AZIN2: variants seen among roughly 807,000 people sequenced by gnomAD.
AZIN2 encodes the protein ODC antizyme inhibitor-2.
AZIN2 carries 28 observed loss-of-function variants against 47.8 expected under a neutral mutation model. The ratio of observed to expected loss-of-function variants is 0.59; its 90% CI spans 0.43 to 0.80. AZIN2 has a LOEUF of 0.80. Ranked by LOEUF, AZIN2 falls within the 30% of genes least tolerant of loss-of-function variation. The pLI, the probability that AZIN2 is intolerant of heterozygous loss-of-function variation, is 0.00. For missense variants in AZIN2, 535 were observed against 582.5 expected (o/e 0.92, Z 0.84); for synonymous variants, 221 against 239.4 (o/e 0.92, Z 0.71).
chr1:33,138,650 A>G, the AZIN2 span, among the ~76,000 whole-genome samples: 1 of 151,616 alleles, frequency 6.6e-6, no homozygotes, highest in African/African-American at 2.4e-5. Context: ...AAAAAAGAAA[A>G]GGAAAGAAAG....
Position 33,082,303 on chromosome 1 carries a change from T to C in AZIN2, c.54T>C (p.Ser18=). The part of the protein sequence containing the change: ...SDFVMVEEGF[S]TRDLLKELTL... Reference sequence around the variant, plus strand: ...TTGTGATGGTGGAGGAGGGCTTCAGTACCCGAGACCTGCTGAAGGAACTCA... The same window carrying C: ...TTGTGATGGTGGAGGAGGGCTTCAGCACCCGAGACCTGCTGAAGGAACTCA... Residue 18 remains serine, a synonymous_variant, in exon 4 of 12, where the codon AGT becomes AGC. Transcript: ENST00000294517. The C allele has an allele frequency of 6.2e-7, 1 of 1,614,080 alleles. No individual in the cohort carries two copies. The highest frequency in any genetic ancestry group is 1.1e-5 in the South Asian group (1 of 91,078).
chr1:33,114,934 C>T (rs913325428), intron 10 of AZIN2, among the ~76,000 whole-genome samples: 1 of 152,206 alleles, frequency 6.6e-6, no homozygotes, highest in African/African-American at 2.4e-5. Context: ...TGAGCCACCG[C>T]GCCCAGCCTA....
the AZIN2 span, chr1:33,158,266 C>G: frequency 6.2e-7 from 1 of 1,613,860 alleles, no homozygotes; most frequent in Non-Finnish European, 8.5e-7. Flanking sequence ...GGTGGATGTC[C>G]TGGAACAGGG....
At position 33,122,934 on chromosome 1, in the gene AZIN2, G is replaced by A. The variant is rs899449720; in HGVS notation, c.*2752G>A. Reference sequence around the variant, plus strand: ...ATCCTCCACTCAGCAGCCAGATGCCGTACCTCCTGGGATTCCGTTTCACCA... The same window carrying A: ...ATCCTCCACTCAGCAGCCAGATGCCATACCTCCTGGGATTCCGTTTCACCA... On this transcript the variant is annotated 3_prime_UTR_variant, in exon 12 of 12. Transcript: ENST00000294517. Among the ~76,000 whole-genome samples the A allele has an allele frequency of 2.6e-5, 4 of 152,114 alleles. No homozygotes were observed. The highest frequency in any genetic ancestry group is 1.9e-4 in the East Asian group (1 of 5,178).
the AZIN2 span, among the ~76,000 whole-genome samples, chr1:33,141,546 C>T: frequency 6.6e-6 from 1 of 152,218 alleles, no homozygotes; most frequent in Non-Finnish European, 1.5e-5. Context: ...TCACCAGGAC[C>T]TGAAGCTTTG....
rs1310548936 is a variant in AZIN2, at chr1:33,083,974, C to T, written c.126C>T (p.Phe42=). ...QATTDEVAAF[F]VADLGAIVRK... is the part of the protein sequence containing the mutation. ...TTCAGGACGAGGTAGCTGCCTTCTT[C>T]GTGGCTGACCTGGGTGCCATAGTGA... The change falls in exon 5 of 12, where the codon TTC becomes TTT. Residue 42 remains phenylalanine, a synonymous_variant. Coordinates refer to ENST00000294517, the MANE Select transcript of AZIN2 (RefSeq NM_052998.4). The T allele has an allele frequency of 9.3e-6, 15 of 1,614,064 alleles. No homozygotes were observed. In the African/African-American group the frequency reaches 1.1e-4, roughly 11 times the overall value.
At chr1:33,159,470 G>C in the AZIN2 span, among the ~76,000 whole-genome samples, 1 of 152,142 alleles carries the variant, frequency 6.6e-6, no homozygotes, top group Non-Finnish European at 1.5e-5. This position sits in a 1 kb window ranked among gnomAD's most constrained non-coding sequence, Gnocchi z 4.2. Context: ...TTCAAACTGT[G>C]TTCCTCACCA....
rs755483001 is a variant in AZIN2, at chr1:33,120,019, T to C, written c.1245-25T>C. The C allele has an allele frequency of 3.1e-6, 5 of 1,613,068 alleles. No homozygotes were observed. The East Asian group carries it at 1.1e-4, about 36-fold the overall frequency. Reference sequence around the variant, plus strand: ...CCCTGCCAGTCCCATGCTGGCTACTTGCAGCACCCCTCTCTCACCCCTAGG... The same window carrying C: ...CCCTGCCAGTCCCATGCTGGCTACTCGCAGCACCCCTCTCTCACCCCTAGG... On this transcript the variant is annotated intron_variant, in intron 11 of 11. Coordinates refer to ENST00000294517, the MANE Select transcript of AZIN2 (RefSeq NM_052998.4).
At chr1:33,091,262 T>C (rs1286581301) in intron 5 of AZIN2, among the ~76,000 whole-genome samples, 1 of 152,190 alleles carries the variant, frequency 6.6e-6, no homozygotes, top group Non-Finnish European at 1.5e-5. Context: ...TTTTTTGAGA[T>C]GGAGTCTGGC....
At chr1:33,111,998 G>A (rs1400991570) in intron 10 of AZIN2, among the ~76,000 whole-genome samples, 5 of 152,062 alleles carry the variant, frequency 3.3e-5, no homozygotes, top group Non-Finnish European at 5.9e-5. Context: ...AGACTTTACC[G>A]GGCAATTCAC....
chr1:33,154,156 G>A, the AZIN2 span, among the ~76,000 whole-genome samples: 2 of 152,216 alleles, frequency 1.3e-5, no homozygotes, highest in Non-Finnish European at 2.9e-5. Flanking sequence ...GGGAGAATAT[G>A]GCTCATTTAA....
chr1:33,093,558 CCT>C lies in AZIN2; in HGVS notation c.587+145_587+146del, dbSNP rs1642809956. The C allele has an allele frequency of 2.5e-6, 3 of 1,197,458 alleles. No individual in the cohort carries two copies. The East Asian group carries it at 8.0e-5, about 32-fold the overall frequency. 74.2% of individuals were successfully genotyped at this position (1,197,458 alleles called of 1,614,324 possible). ...CTGGAATTCTTCCATTTGAGAATTT[CCT>C]CTGTTTGAAAAGGAAGTTTAGAAGG... On this transcript the variant is annotated intron_variant, in intron 7 of 11. Coordinates refer to ENST00000294517, the MANE Select transcript of AZIN2 (RefSeq NM_052998.4).
chr1:33,124,260 T>C (rs934436539), downstream of AZIN2, among the ~76,000 whole-genome samples: 4 of 152,208 alleles, frequency 2.6e-5, no homozygotes, highest in Non-Finnish European at 4.4e-5. The surrounding 1 kb of genome is among the most constrained non-coding windows in gnomAD (Gnocchi z 4.6). Flanking sequence ...GAGCTCACAG[T>C]GCAGCATGGT....
chr1:33,129,991 T>C, the AZIN2 span, among the ~76,000 whole-genome samples: 23 of 151,932 alleles, frequency 1.5e-4, no homozygotes, highest in Non-Finnish European at 2.9e-4. The surrounding 1 kb of genome is among the most constrained non-coding windows in gnomAD (Gnocchi z 4.1). Flanking sequence ...TCCCGAGTAG[T>C]TGGGATTACA....
the AZIN2 span, among the ~76,000 whole-genome samples, chr1:33,141,239 A>G: frequency 4.0e-5 from 6 of 150,918 alleles, no homozygotes; most frequent in Admixed American, 1.3e-4. Flanking sequence ...AGACCTTCTT[A>G]GATGTGGGAC....
chr1:33,127,941 G>A (rs1445754048), downstream of AZIN2, among the ~76,000 whole-genome samples: 5 of 152,134 alleles, frequency 3.3e-5, no homozygotes, highest in African/African-American at 1.2e-4. Context: ...CACTGCCTGT[G>A]TTGGAATCCT....
At chr1:33,119,954 G>C in intron 11 of AZIN2, 90 bp from the exon 12 acceptor site, 6 of 1,567,650 alleles carry the variant, frequency 3.8e-6, no homozygotes, top group Non-Finnish European at 5.2e-6. Flanking sequence ...GCTCACGTGA[G>C]AGCCCTCTGC....
chr1:33,110,010 A>T (rs1452127569), intron 10 of AZIN2, among the ~76,000 whole-genome samples: 1 of 152,176 alleles, frequency 6.6e-6, no homozygotes, highest in Non-Finnish European at 1.5e-5. Context: ...CAAGATGGAG[A>T]ATCCAATAGG....
chr1:33,124,335 G>T (rs1177761376), downstream of AZIN2, among the ~76,000 whole-genome samples: 1 of 152,112 alleles, frequency 6.6e-6, no homozygotes, highest in Admixed American at 6.5e-5. This position sits in a 1 kb window ranked among gnomAD's most constrained non-coding sequence, Gnocchi z 4.6. Flanking sequence ...TAGGGAGCCC[G>T]CTATGCTTCT....
Sources: allele counts gnomAD v4.1 joint callset (sites outside exome capture counted in the v4.1 genomes callset), GRCh38; gene constraint gnomAD v4.1.1; non-coding constraint Gnocchi (gnomAD v3.1); transcripts MANE v1.5; gene names NCBI Gene and HGNC (gene_info 2026-07-23, HGNC 2026-07-21).